The following XYLB variants were observed in gnomAD, a reference collection of about 807,000 sequenced individuals.
XYLB encodes the protein xylulokinase.
XYLB carries 62 observed loss-of-function variants against 78.7 expected under a neutral mutation model. The observed-to-expected ratio is 0.79, with a 90% CI of 0.64 to 0.97. XYLB has a LOEUF of 0.97. Ranked by LOEUF, XYLB falls within the 50% of genes least tolerant of loss-of-function variation. XYLB has a pLI of 0.00. For missense variants in XYLB, 687 were observed against 676.8 expected (o/e 1.02, Z -0.17); for synonymous variants, 245 against 247.4 (o/e 0.99, Z 0.09).
At chr3:38,394,384 A>G (rs1486398265) in intron 15 of XYLB, among the ~76,000 whole-genome samples, 1 of 152,174 alleles carries the variant, frequency 6.6e-6, no homozygotes, top group East Asian at 1.9e-4. Context: ...TTGATTTTGT[A>G]TCTGGCAAAC....
chr3:38,352,124 T>A (rs959047287), intron 2 of XYLB, among the ~76,000 whole-genome samples: 6 of 152,168 alleles, frequency 3.9e-5, no homozygotes, highest in South Asian at 2.1e-4. Context: ...AGAAAAAAAA[T>A]TTTATATTGT....
At chr3:38,369,919 C>A in intron 8 of XYLB, 137 bp from the exon 9 acceptor site, 1 of 778,258 alleles carries the variant, frequency 1.3e-6, no homozygotes, top group South Asian at 1.6e-5. Flanking sequence ...ACAACACAAG[C>A]ATATATACCT....
intron 18 of XYLB, among the ~76,000 whole-genome samples, chr3:38,403,403 G>A: frequency 6.6e-6 from 1 of 152,180 alleles, no homozygotes; most frequent in East Asian, 1.9e-4. Context: ...CTTCAAGTAT[G>A]CAAAGGTATA....
At chr3:38,439,820 C>T in the XYLB span, among the ~76,000 whole-genome samples, 17 of 151,754 alleles carry the variant, frequency 1.1e-4, no homozygotes, top group East Asian at 3.9e-4. Flanking sequence ...TTCCTGTAAA[C>T]GCTGGGCGGC....
intron 17 of XYLB, among the ~76,000 whole-genome samples, chr3:38,399,610 A>T (rs1025887321): frequency 1.3e-5 from 2 of 152,152 alleles, no homozygotes; most frequent in Non-Finnish European, 2.9e-5. Flanking sequence ...TCTGGCCTTC[A>T]GGGTTGCTGA....
intron 4 of XYLB, among the ~76,000 whole-genome samples, chr3:38,364,905 A>C (rs1400208561): frequency 6.6e-6 from 1 of 152,266 alleles, no homozygotes; most frequent in African/African-American, 2.4e-5. Context: ...AATTTCAGGT[A>C]ATATTACAAG....
At chr3:38,361,854 G>A (rs1252392269) in intron 3 of XYLB, among the ~76,000 whole-genome samples, 2 of 152,248 alleles carry the variant, frequency 1.3e-5, no homozygotes, top group African/African-American at 4.8e-5. Flanking sequence ...GCAAAGGCTG[G>A]GGGTGGTGGA....
intron 17 of XYLB, among the ~76,000 whole-genome samples, chr3:38,400,196 C>T (rs1033340917): frequency 1.3e-5 from 2 of 152,172 alleles, no homozygotes; most frequent in Non-Finnish European, 2.9e-5. Flanking sequence ...TGAGTGCCCC[C>T]TGTATGCCAG....
At chr3:38,421,367 G>T (rs1382946225), downstream of XYLB, 1 of 152,246 alleles carries the variant, frequency 6.6e-6, no homozygotes, top group East Asian at 1.9e-4. Context: ...CAATCCTCAT[G>T]GTGAGTAAGA....
intron 14 of XYLB, among the ~76,000 whole-genome samples, chr3:38,377,551 G>T (rs373980236): frequency 1.3e-5 from 2 of 151,248 alleles, no homozygotes; most frequent in African/African-American, 4.9e-5. Flanking sequence ...GGGTTCAAAC[G>T]ATCCTCCTGC....
At chr3:38,378,037 A>G (rs1706954009) in intron 14 of XYLB, among the ~76,000 whole-genome samples, 1 of 152,184 alleles carries the variant, frequency 6.6e-6, no homozygotes, top group Admixed American at 6.5e-5. Context: ...TTCTGACCCC[A>G]GTAAATGGGG....
rs530456147 is a variant in XYLB at position 38,398,360 on chromosome 3, C to T, written c.1438+1201C>T. 3.2e-3 allele frequency among the ~76,000 whole-genome samples: 478 copies of T among 151,668 alleles called. 6 individuals are homozygous for T. The highest frequency in any genetic ancestry group is 2.4e-3 in the Non-Finnish European group (165 of 67,912). ...GCACACACCTGTAGTCCCAGCTACT[C>T]GGGAGGCTGAGGCAGGAGAATCGCT... is the stretch of plus-strand genomic sequence containing the variant. On this transcript the variant is annotated intron_variant, in intron 17 of 18. Coordinates refer to ENST00000207870, the MANE Select transcript of XYLB (RefSeq NM_005108.4).
At chr3:38,380,402 T>C (rs1052923476) in intron 15 of XYLB, among the ~76,000 whole-genome samples, 2 of 152,078 alleles carry the variant, frequency 1.3e-5, no homozygotes, top group South Asian at 4.1e-4. Context: ...TGTAAGGAGG[T>C]TGGACTGGCC....
chr3:38,424,453 A>G (rs941521668), downstream of XYLB, among the ~76,000 whole-genome samples: 3 of 152,250 alleles, frequency 2.0e-5, no homozygotes, highest in African/African-American at 4.8e-5. Context: ...TGTTCTTGAT[A>G]ATCACTTTCC....
chr3:38,381,851 G>A (rs995258522), intron 15 of XYLB, among the ~76,000 whole-genome samples: 5 of 152,146 alleles, frequency 3.3e-5, no homozygotes, highest in Non-Finnish European at 5.9e-5. Context: ...ATTTCACCTC[G>A]GTCCTGTGGT....
At position 38,376,219 on chromosome 3, in the gene XYLB, C is replaced by T. The variant is rs371859641; in HGVS notation, c.1107C>T (p.Asn369=). Residue 369 remains asparagine (N), a synonymous_variant, in exon 13 of 19, where the codon AAC becomes AAT. Transcript: ENST00000207870. The stretch of plus-strand genomic sequence containing the variant: ...CACTGCAGTCCACAGAGATGGGCAA[C>T]GGTGGAAACCTGGGTAGGCCAGTTG... ...SKALQSTEMG[N]GGNLGFYFDV... 48 of 1,611,894 alleles carry T rather than the reference C, an allele frequency of 3.0e-5. 1 individual carries two copies. Among genetic ancestry groups the T allele is most frequent in the African/African-American group, 1.2e-4 (9 of 74,882 alleles).
downstream of XYLB, among the ~76,000 whole-genome samples, chr3:38,415,602 G>T (rs966219534): frequency 6.6e-6 from 1 of 152,110 alleles, no homozygotes; most frequent in African/African-American, 2.4e-5. Flanking sequence ...GGCCAACATG[G>T]TGAAACCCCG....
chr3:38,397,525 A>G lies in XYLB; in HGVS notation c.1438+366A>G, dbSNP rs569680556. ...GTCCAGAGCCGTCTTTTCAGCAAGAACAGAAGTTGAAACAAAGGGGAAGGC... is the reference window on the plus strand; with the variant it reads ...GTCCAGAGCCGTCTTTTCAGCAAGAGCAGAAGTTGAAACAAAGGGGAAGGC... On this transcript the variant is annotated intron_variant, in intron 17 of 18. Transcript: ENST00000207870. Among the ~76,000 whole-genome samples, 6 of 152,234 alleles carry G rather than the reference A, an allele frequency of 3.9e-5. No individual in the cohort carries two copies. In the East Asian group the frequency reaches 1.2e-3, roughly 30 times the overall value.
intron 3 of XYLB, among the ~76,000 whole-genome samples, chr3:38,362,547 A>C (rs112119976): frequency 0.032 from 4,840 of 152,234 alleles, 113 homozygotes; most frequent in African/African-American, 0.062. Flanking sequence ...CCGTAGTTCC[A>C]GCCACTTGGG....
Sources: allele counts gnomAD v4.1 joint callset (sites outside exome capture counted in the v4.1 genomes callset), GRCh38; gene constraint gnomAD v4.1.1; transcripts MANE v1.5; gene names NCBI Gene and HGNC (gene_info 2026-07-23, HGNC 2026-07-21).